The following TBCA variants were observed in gnomAD, a reference collection of about 807,000 sequenced individuals.
The protein encoded by TBCA is tubulin-specific chaperone A.
In TBCA, 6 loss-of-function variants were observed where a neutral mutation model predicts 15.8. The ratio of observed to expected loss-of-function variants is 0.38; its 90% CI spans 0.21 to 0.75. The LOEUF (loss-of-function observed/expected upper bound fraction) is 0.75. Ranked by LOEUF, TBCA falls within the 30% of genes least tolerant of loss-of-function variation. The pLI is 0.46. For missense variants in TBCA, 90 were observed against 131.2 expected, an observed-to-expected ratio of 0.69 and a Z score of 1.53; for synonymous variants, 32 against 42.3, an observed-to-expected ratio of 0.76 and a Z score of 0.94.
At chr5:77,739,311 A>G (rs553126255) in intron 1 of TBCA, among the ~76,000 whole-genome samples, 2 of 151,986 alleles carry the variant, frequency 1.3e-5, no homozygotes, top group Non-Finnish European at 2.9e-5. Context: ...AAATACAAAA[A>G]TTAGCCGGGT....
At chr5:77,733,553 C>T (rs1385354056) in intron 1 of TBCA, among the ~76,000 whole-genome samples, 3 of 152,156 alleles carry the variant, frequency 2.0e-5, no homozygotes, top group Non-Finnish European at 4.4e-5. Context: ...GAATCCAGAG[C>T]GAGGCCTTAA....
intron 1 of TBCA, among the ~76,000 whole-genome samples, chr5:77,723,940 C>T (rs1746577944): frequency 1.3e-5 from 2 of 151,962 alleles, no homozygotes; most frequent in Non-Finnish European, 2.9e-5. Context: ...GTTTTCAAAA[C>T]TTTAAGCTGC....
intron 1 of TBCA, among the ~76,000 whole-genome samples, chr5:77,774,018 TC>T (rs1433478149): frequency 4.6e-5 from 7 of 152,162 alleles, no homozygotes; most frequent in Non-Finnish European, 7.4e-5. Context: ...ACCCCTCCTC[TC>T]AACTAAGGGC....
At chr5:77,765,798 C>A (rs188051948) in intron 1 of TBCA, among the ~76,000 whole-genome samples, 1 of 150,312 alleles carries the variant, frequency 6.7e-6, no homozygotes, top group African/African-American at 2.5e-5. Flanking sequence ...TTCTGCCTTA[C>A]GCTAACCATT....
chr5:77,714,700 G>C (rs1208843342), intron 1 of TBCA, among the ~76,000 whole-genome samples: 2 of 152,030 alleles, frequency 1.3e-5, no homozygotes, highest in South Asian at 4.2e-4. Context: ...CCAGGTAGCT[G>C]GGACTACAGG....
At chr5:77,773,581 G>C (rs1430954500) in intron 1 of TBCA, among the ~76,000 whole-genome samples, 9 of 152,138 alleles carry the variant, frequency 5.9e-5, no homozygotes. Flanking sequence ...GCAGAATCAA[G>C]ATCTGAACCC....
chr5:77,715,296 G>A, intron 1 of TBCA: 1 of 702,302 alleles, frequency 1.4e-6, no homozygotes. Context: ...AAACCAGGAA[G>A]TCCTTGTCAA....
At chr5:77,769,947 A>G (rs1747869312) in intron 1 of TBCA, among the ~76,000 whole-genome samples, 1 of 152,254 alleles carries the variant, frequency 6.6e-6, no homozygotes, top group African/African-American at 2.4e-5. Flanking sequence ...TTAAGCCATT[A>G]CCAATCCAAA....
intron 3 of TBCA, 102 bp from the exon 4 acceptor site, chr5:77,691,600 T>G: frequency 7.0e-7 from 1 of 1,430,924 alleles, no homozygotes; most frequent in Non-Finnish European, 9.1e-7. Flanking sequence ...AACTAAAAAA[T>G]TAAAAGTAAA....
At chr5:77,696,895 G>A (rs1334646784) in intron 2 of TBCA, among the ~76,000 whole-genome samples, 1 of 152,172 alleles carries the variant, frequency 6.6e-6, no homozygotes, top group Non-Finnish European at 1.5e-5. Context: ...CTCCAGCCTA[G>A]GCAAAAGAGT....
chr5:77,748,503 T>G (rs1747240630), intron 1 of TBCA, among the ~76,000 whole-genome samples: 1 of 152,064 alleles, frequency 6.6e-6, no homozygotes, highest in African/African-American at 2.4e-5. Flanking sequence ...TTTTAAGATT[T>G]TCTCCTTTTA....
chr5:77,741,160 G>C (rs1323320582), intron 1 of TBCA, among the ~76,000 whole-genome samples: 1 of 152,134 alleles, frequency 6.6e-6, no homozygotes, highest in East Asian at 1.9e-4. Flanking sequence ...GACTACAATG[G>C]GTTAAGAAGT....
chr5:77,759,925 GA>G, intron 1 of TBCA, among the ~76,000 whole-genome samples: 1 of 152,196 alleles, frequency 6.6e-6, no homozygotes, highest in Non-Finnish European at 1.5e-5. Flanking sequence ...CCTTGCCATT[GA>G]AGTGGTGACT....
At chr5:77,711,038 G>A (rs931206702) in intron 1 of TBCA, among the ~76,000 whole-genome samples, 1 of 152,132 alleles carries the variant, frequency 6.6e-6, no homozygotes, top group African/African-American at 2.4e-5. Flanking sequence ...TTAAACAGGG[G>A]TAGGCAAACT....
intron 2 of TBCA, among the ~76,000 whole-genome samples, chr5:77,696,103 A>T (rs1745866083): frequency 6.6e-6 from 1 of 152,214 alleles, no homozygotes; most frequent in African/African-American, 2.4e-5. Context: ...GGCCAATGTC[A>T]ATCAAGCTCT....
At chr5:77,730,427 C>T (rs1338869185) in intron 1 of TBCA, among the ~76,000 whole-genome samples, 1 of 89,680 alleles carries the variant, frequency 1.1e-5, no homozygotes, top group East Asian at 2.7e-4. Context: ...AATGGCCCTG[C>T]TGACACCTTG....
At chr5:77,710,844 T>A (rs1345617189) in intron 1 of TBCA, among the ~76,000 whole-genome samples, 1 of 152,234 alleles carries the variant, frequency 6.6e-6, no homozygotes. Context: ...ATTATCACTA[T>A]CATTATATAA....
intron 1 of TBCA, among the ~76,000 whole-genome samples, chr5:77,758,117 G>A (rs568666980): frequency 3.0e-4 from 45 of 152,274 alleles, no homozygotes; most frequent in African/African-American, 8.7e-4. Flanking sequence ...CAAGTGTGGC[G>A]TTTGACCTTT....
intron 2 of TBCA, among the ~76,000 whole-genome samples, chr5:77,699,288 T>A (rs1194331716): frequency 6.6e-6 from 1 of 151,748 alleles, no homozygotes; most frequent in Non-Finnish European, 1.5e-5. Flanking sequence ...CAAAACAAAC[T>A]AGAAAAGCTA....
Sources: gnomAD v4.1 joint callset for allele counts (sites outside exome capture counted in the v4.1 genomes callset) on GRCh38, gnomAD v4.1.1 for gene constraint, MANE v1.5 for transcripts, NCBI Gene and HGNC (gene_info 2026-07-23, HGNC 2026-07-21) for gene names.